RBM47: variants seen among roughly 807,000 people sequenced by gnomAD.
RBM47 encodes RNA binding motif protein 47.
RBM47 carries 21 observed loss-of-function variants against 47.1 expected under a neutral mutation model. That is an observed-to-expected ratio of 0.45 (90% CI 0.32 to 0.64). RBM47 has a LOEUF of 0.64. RBM47 is among the 30% of genes least tolerant of loss of function. RBM47 has a pLI of 0.05. For missense variants in RBM47, 708 were observed against 870.9 expected, an observed-to-expected ratio of 0.81 and a Z score of 2.35; for synonymous variants, 375 against 361.7, an observed-to-expected ratio of 1.04 and a Z score of -0.42.
Position 40,628,051 on chromosome 4 carries a change from G to A in RBM47, c.-240+1345C>T, listed in dbSNP as rs1444007774. ...TGGCCTACCTAGCCAGGTAAAGGACGGCACAGCTAGGCTTATTTCTTCATT... is the reference window on the plus strand; with the variant it reads ...TGGCCTACCTAGCCAGGTAAAGGACAGCACAGCTAGGCTTATTTCTTCATT... On this transcript the variant is annotated intron_variant, in intron 1 of 6. Transcript: ENST00000295971. The surrounding 1 kb of genome is among the most constrained non-coding windows in gnomAD (Gnocchi z 4.0). 6.6e-6 allele frequency among the ~76,000 whole-genome samples: 1 copy of A among 152,086 alleles called. No individual in the cohort carries two copies. Among genetic ancestry groups the A allele is most frequent in the African/African-American group, 2.4e-5 (1 of 41,384 alleles).
chr4:40,540,866 A>C (rs1728466746), intron 2 of RBM47, among the ~76,000 whole-genome samples: 1 of 151,786 alleles, frequency 6.6e-6, no homozygotes, highest in Non-Finnish European at 1.5e-5. Flanking sequence ...CATATAACCT[A>C]AATGTCAAGC....
intron 4 of RBM47, chr4:40,436,858 C>T: frequency 1.5e-6 from 1 of 689,186 alleles, no homozygotes; most frequent in Non-Finnish European, 2.6e-6. Context: ...AAGAGGCAAA[C>T]TTGCAGGGTG....
Position 40,507,555 on chromosome 4 carries a change from G to A in RBM47, c.-155+36867C>T, listed in dbSNP as rs1016990018. On this transcript the variant is annotated intron_variant, in intron 2 of 6. Transcript: ENST00000295971. ...TGTAATCCCAACACTTTGGGAGGCCGAGGCGGATGGATCATGAAGTCAGGA... is the reference window on the plus strand; with the variant it reads ...TGTAATCCCAACACTTTGGGAGGCCAAGGCGGATGGATCATGAAGTCAGGA... Among the ~76,000 whole-genome samples, 14 of 152,166 alleles carry A rather than the reference G, an allele frequency of 9.2e-5. No individual in the cohort carries two copies. In the South Asian group the frequency reaches 1.5e-3, roughly 16 times the overall value.
intron 2 of RBM47, among the ~76,000 whole-genome samples, chr4:40,473,858 A>G (rs552721306): frequency 6.6e-6 from 1 of 152,220 alleles, no homozygotes; most frequent in Non-Finnish European, 1.5e-5. Context: ...TCAAATAGCA[A>G]AGAAAATGAA....
intron 2 of RBM47, among the ~76,000 whole-genome samples, chr4:40,478,876 T>C (rs565878406): frequency 1.3e-5 from 2 of 152,372 alleles, no homozygotes; most frequent in African/African-American, 4.8e-5. Flanking sequence ...TAGCATATCA[T>C]TTTCCACAAG....
intron 1 of RBM47, among the ~76,000 whole-genome samples, chr4:40,586,466 G>A (rs1162824121): frequency 1.3e-5 from 2 of 151,662 alleles, no homozygotes; most frequent in African/African-American, 2.4e-5. Context: ...GTGCTCCTGG[G>A]TAAGAAGGGG....
At chr4:40,463,451 G>A (rs1717472003) in intron 3 of RBM47, among the ~76,000 whole-genome samples, 1 of 152,086 alleles carries the variant, frequency 6.6e-6, no homozygotes, top group African/African-American at 2.4e-5. Flanking sequence ...GCTTCTGTGG[G>A]AAAAAGTATG....
chr4:40,491,912 A>G (rs1721921490), intron 2 of RBM47: 1 of 161,386 alleles, frequency 6.2e-6, no homozygotes, highest in African/African-American at 2.4e-5. Flanking sequence ...AAACACCACC[A>G]GGACTGATCA....
At chr4:40,520,416 G>C (rs868467478) in intron 2 of RBM47, among the ~76,000 whole-genome samples, 4 of 152,198 alleles carry the variant, frequency 2.6e-5, no homozygotes, top group Non-Finnish European at 4.4e-5. Context: ...GCAGAATAAT[G>C]TGTCTCTGGG....
intron 2 of RBM47, among the ~76,000 whole-genome samples, chr4:40,467,017 A>C (rs193004524): frequency 2.5e-4 from 38 of 152,194 alleles, no homozygotes; most frequent in Non-Finnish European, 5.3e-4. Flanking sequence ...GATGCACATA[A>C]TGTTTAAGAA....
At chr4:40,560,784 G>A (rs1730535250) in intron 1 of RBM47, among the ~76,000 whole-genome samples, 1 of 151,808 alleles carries the variant, frequency 6.6e-6, no homozygotes, top group Admixed American at 6.6e-5. Flanking sequence ...GGCCAAAATG[G>A]TGAAACCCCG....
intron 2 of RBM47, among the ~76,000 whole-genome samples, chr4:40,498,509 C>G (rs954840375): frequency 6.6e-6 from 1 of 151,778 alleles, no homozygotes; most frequent in Non-Finnish European, 1.5e-5. Flanking sequence ...GGAAACCCGT[C>G]TCTACTAAAA....
chr4:40,512,042 A>T (rs913736711), intron 2 of RBM47, among the ~76,000 whole-genome samples: 2 of 152,158 alleles, frequency 1.3e-5, no homozygotes, highest in Non-Finnish European at 2.9e-5. Flanking sequence ...AGTGTCTAGA[A>T]ATGGTTTGTT....
In RBM47 at chr4:40,424,515, C is replaced by T. The variant is rs537356741; in HGVS notation, c.*1389G>A. On this transcript the variant is annotated 3_prime_UTR_variant, in exon 7 of 7. Transcript: ENST00000295971. The stretch of plus-strand genomic sequence containing the variant: ...GTTTCATTTTGCATTAAACTACATA[C>T]CATGAACTTCTCCAACATAAAAGGA... The T allele has an allele frequency of 1.3e-5, 2 of 152,544 alleles. No homozygotes were observed. The highest frequency in any genetic ancestry group is 1.5e-5 in the Non-Finnish European group (1 of 68,020). 9.4% of individuals were successfully genotyped at this position (152,544 alleles called of 1,614,324 possible). A position where few individuals can be genotyped will look rare whatever the true frequency, so the allele number is the denominator to read the frequency against.
rs74660405 is a variant in RBM47 at position 40,428,955 on chromosome 4, G to A, written c.1543-2812C>T. Among the ~76,000 whole-genome samples, 105 of 152,218 alleles carry A rather than the reference G, an allele frequency of 6.9e-4. No homozygotes were observed. The East Asian group carries it at 9.3e-3, about 13-fold the overall frequency. The stretch of plus-strand genomic sequence containing the variant: ...TTGCTTTCCATGGTTTCAGTTACCC[G>A]CGGTCAACTGAAGTCTGAAAATATT... On this transcript the variant is annotated intron_variant, in intron 6 of 6. Transcript: ENST00000295971.
chr4:40,606,547 C>CCAAGCCCCTGCTTGGG (rs1354287408), intron 1 of RBM47, among the ~76,000 whole-genome samples: 12 of 152,130 alleles, frequency 7.9e-5, no homozygotes, highest in African/African-American at 2.4e-4. Context: ...ACCGACGGCC[C>CCAAGCCCCTGCTTGGG]GCCTGGCCCC....
At chr4:40,522,546 G>T (rs561300909) in intron 2 of RBM47, among the ~76,000 whole-genome samples, 4 of 152,096 alleles carry the variant, frequency 2.6e-5, no homozygotes, top group African/African-American at 9.7e-5. Flanking sequence ...ACCTCTTGTA[G>T]AGTTTGGGTT....
intron 3 of RBM47, among the ~76,000 whole-genome samples, chr4:40,450,965 G>T (rs530106943): frequency 3.3e-5 from 5 of 152,274 alleles, no homozygotes; most frequent in African/African-American, 1.2e-4. Flanking sequence ...TGGCACACAT[G>T]GTAGGTACTT....
intron 1 of RBM47, among the ~76,000 whole-genome samples, chr4:40,603,690 C>A (rs1422146462): frequency 1.3e-5 from 2 of 152,066 alleles, no homozygotes; most frequent in Admixed American, 6.6e-5. Context: ...GCAGCCTCGA[C>A]CTCCAGGCTC....
Sources: allele counts gnomAD v4.1 joint callset (sites outside exome capture counted in the v4.1 genomes callset), GRCh38; gene constraint gnomAD v4.1.1; non-coding constraint Gnocchi (gnomAD v3.1); transcripts MANE v1.5; gene names NCBI Gene and HGNC (gene_info 2026-07-23, HGNC 2026-07-21).